The following MIER3 variants were observed in gnomAD, a reference collection of about 807,000 sequenced individuals.
MIER3 encodes mesoderm induction early response protein 3.
MIER3 carries 9 observed loss-of-function variants against 63.2 expected under a neutral mutation model. That is an observed-to-expected ratio of 0.14 (90% CI 0.09 to 0.25). The LOEUF (loss-of-function observed/expected upper bound fraction) is 0.25, where lower values mean the gene tolerates loss of function less well. Ranked by LOEUF, MIER3 falls within the 10% of genes least tolerant of loss-of-function variation. The pLI is 1.00. For missense variants in MIER3, 512 were observed against 666.2 expected (o/e 0.77, Z 2.55); for synonymous variants, 205 against 224.9 (o/e 0.91, Z 0.79).
Position 56,935,462 on chromosome 5 carries a change from G to C in MIER3, c.561C>G (p.Pro187=). The change falls in exon 7 of 13, where the codon CCC becomes CCG. Residue 187 remains proline, a synonymous_variant. Transcript: ENST00000381199. ...TACCATCGTACTCTCCAAGATAAGG[G>C]GGAATCTCTGCCTGATATTGTAAAC... is the stretch of plus-strand genomic sequence containing the variant. ...MIGLQYQAEI[P]PYLGEYDGNE... 1.9e-6 allele frequency: 3 copies of C among 1,595,086 alleles called. No homozygotes were observed. The highest frequency in any genetic ancestry group is 2.3e-5 in the South Asian group (2 of 85,720).
At position 56,920,207 on chromosome 5, in the gene MIER3, A is replaced by G. The variant is rs1163871822; in HGVS notation, c.*2921T>C. On this transcript the variant is annotated 3_prime_UTR_variant, in exon 13 of 13. Coordinates refer to ENST00000381199, the MANE Select transcript of MIER3 (RefSeq NM_001297599.2). ...TTTAGTATTTTTTAAACAGTATTCT[A>G]CATCCTTCAAGTAAATTCAGCAGCT... 6.6e-6 allele frequency: 1 copy of G among 152,610 alleles called. No individual in the cohort carries two copies. Among genetic ancestry groups the G allele is most frequent in the African/African-American group, 2.4e-5 (1 of 41,470 alleles). The allele number at this position is 152,610 out of a possible 1,614,324, so 9.5% of individuals were successfully genotyped here. A position where few individuals can be genotyped will look rare whatever the true frequency, so the allele number is the denominator to read the frequency against.
rs748965721 is a variant in MIER3 at position 56,923,517 on chromosome 5, G to T, written c.1264C>A (p.Pro422Thr). 1 of 1,614,188 alleles carries T rather than the reference G, an allele frequency of 6.2e-7. No individual in the cohort carries two copies. Among genetic ancestry groups the T allele is most frequent in the East Asian group, 2.2e-5 (1 of 44,890 alleles). The change falls in exon 13 of 13, where the codon CCA (proline) becomes ACA (threonine). Residue 422 changes from proline (P) to threonine (T), a missense_variant. Physicochemically the swap from Pro to Thr is conservative, Grantham distance 38. Transcript: ENST00000381199. ...DVNCLDDSFP[P>T]LGNTPRGQVN... ...TGTCCACGGGGTGTGTTGCCCAGTGGAGGAAAGCTATCATCCAAACAATTC... is the reference window on the plus strand; with the variant it reads ...TGTCCACGGGGTGTGTTGCCCAGTGTAGGAAAGCTATCATCCAAACAATTC...
intron 4 of MIER3, 126 bp from the exon 5 acceptor site, chr5:56,937,824 CTA>C (rs1228121071): frequency 7.9e-6 from 4 of 503,328 alleles, no homozygotes; most frequent in Non-Finnish European, 1.2e-5. Flanking sequence ...TGAAATTCTC[CTA>C]TGATTTACTT....
intron 10 of MIER3, among the ~76,000 whole-genome samples, chr5:56,927,006 A>C (rs916556318): frequency 6.6e-6 from 1 of 152,350 alleles, no homozygotes. Flanking sequence ...TGCATACTGT[A>C]TAATTCCAAC....
upstream of MIER3, chr5:56,952,138 C>A: frequency 8.1e-7 from 1 of 1,231,930 alleles, no homozygotes; most frequent in South Asian, 2.6e-5. Flanking sequence ...AGCGCCGAGC[C>A]CAGTCCCCGG....
chr5:56,948,584 G>A (rs188909064), intron 2 of MIER3, among the ~76,000 whole-genome samples: 47 of 152,080 alleles, frequency 3.1e-4, no homozygotes, highest in Non-Finnish European at 4.1e-4. Context: ...CAGGAGAATC[G>A]CTTGAACCTG....
intron 9 of MIER3, chr5:56,929,172 TA>T (rs144092933): frequency 5.0e-5 from 10 of 200,126 alleles, no homozygotes; most frequent in African/African-American, 1.2e-4. Flanking sequence ...TTTTTCTGAT[TA>T]AAAAAAATTT....
At chr5:56,938,835 G>A in intron 4 of MIER3, 48 bp downstream of exon 4, 1 of 1,584,286 alleles carries the variant, frequency 6.3e-7, no homozygotes, top group Non-Finnish European at 8.6e-7. Flanking sequence ...AGTAAAAGCA[G>A]TCAATGGTAA....
chr5:56,947,319 A>T (rs2591957), intron 2 of MIER3, among the ~76,000 whole-genome samples: 46,334 of 152,000 alleles, frequency 0.3, 7,512 homozygotes, highest in East Asian at 0.54. Context: ...CAAGAAAACA[A>T]CTTATGATAA....
rs1749619826 is a variant in MIER3 at position 56,920,482 on chromosome 5, T to C, written c.*2646A>G. Reference sequence around the variant, plus strand: ...AACAAAAAGAATTTATCACAGTTTGTTATAAGAATTGTGCTTAACACTTGA... The same window carrying C: ...AACAAAAAGAATTTATCACAGTTTGCTATAAGAATTGTGCTTAACACTTGA... On this transcript the variant is annotated 3_prime_UTR_variant, in exon 13 of 13. Transcript: ENST00000381199. 1 of 152,560 alleles carries C rather than the reference T, an allele frequency of 6.6e-6. No individual in the cohort carries two copies. The highest frequency in any genetic ancestry group is 6.5e-5 in the Admixed American group (1 of 15,278). The allele number at this position is 152,560 out of a possible 1,614,324, so 9.5% of individuals were successfully genotyped here. A position where few individuals can be genotyped will look rare whatever the true frequency, so the allele number is the denominator to read the frequency against.
At chr5:56,943,820 G>A (rs1750733625) in intron 3 of MIER3, among the ~76,000 whole-genome samples, 1 of 152,180 alleles carries the variant, frequency 6.6e-6, no homozygotes, top group South Asian at 2.1e-4. Context: ...CAGCTTAGAA[G>A]TGTGATCCAT....
rs1396133115 is a variant in MIER3 at position 56,920,924 on chromosome 5, C to G, written c.*2204G>C. The G allele has an allele frequency of 6.6e-6, 1 of 152,504 alleles. No individual in the cohort carries two copies. Among genetic ancestry groups the G allele is most frequent in the Non-Finnish European group, 1.5e-5 (1 of 67,944 alleles). 9.4% of individuals were successfully genotyped at this position (152,504 alleles called of 1,614,324 possible). A position where few individuals can be genotyped will look rare whatever the true frequency, so the allele number is the denominator to read the frequency against. Reference sequence around the variant, plus strand: ...TAAAATCAGATTGACATTTAAAAATCTATTAAACTAGCTGGAATTTATTTT... The same window carrying G: ...TAAAATCAGATTGACATTTAAAAATGTATTAAACTAGCTGGAATTTATTTT... On this transcript the variant is annotated 3_prime_UTR_variant, in exon 13 of 13. Coordinates refer to ENST00000381199, the MANE Select transcript of MIER3 (RefSeq NM_001297599.2).
chr5:56,938,475 G>A (rs979560850), intron 4 of MIER3: 5 of 428,606 alleles, frequency 1.2e-5, no homozygotes, highest in Non-Finnish European at 2.4e-5. Flanking sequence ...TGCTGCGGCC[G>A]CTGTCACTCC....
chr5:56,930,907 A>C (rs1207603470), intron 8 of MIER3, among the ~76,000 whole-genome samples, 162 bp from the exon 9 acceptor site: 2 of 152,228 alleles, frequency 1.3e-5, no homozygotes, highest in Non-Finnish European at 2.9e-5. Context: ...TTTAGTCTAT[A>C]TAACTATCAT....
chr5:56,925,819 ACT>A (rs1305066026), intron 10 of MIER3, among the ~76,000 whole-genome samples: 1 of 152,074 alleles, frequency 6.6e-6, no homozygotes, highest in Non-Finnish European at 1.5e-5. Flanking sequence ...AAATCAAAGT[ACT>A]GACAGTCCCC....
At chr5:56,944,673 T>C (rs907100888) in intron 3 of MIER3, among the ~76,000 whole-genome samples, 1 of 152,134 alleles carries the variant, frequency 6.6e-6, no homozygotes, top group Admixed American at 6.5e-5. Flanking sequence ...ACTATATACA[T>C]ATAATTTGTT....
At chr5:56,935,278 T>C (rs1750402842) in intron 7 of MIER3, 150 bp downstream of exon 7, 2 of 635,656 alleles carry the variant, frequency 3.1e-6, no homozygotes, top group Admixed American at 6.1e-5. Flanking sequence ...GATACATTTT[T>C]CCTAAGTCAG....
At chr5:56,951,784 C>T (rs377057711) in intron 1 of MIER3, among the ~76,000 whole-genome samples, 2 of 151,422 alleles carry the variant, frequency 1.3e-5, no homozygotes, top group East Asian at 3.9e-4. Context: ...ACCGGGGACA[C>T]GGCACTGCCT....
chr5:56,924,587 G>C (rs1749867580), intron 10 of MIER3, among the ~76,000 whole-genome samples: 1 of 152,208 alleles, frequency 6.6e-6, no homozygotes, highest in Non-Finnish European at 1.5e-5. Context: ...ACAGCATCTG[G>C]AATTTAAGAT....
Sources: gnomAD v4.1 joint callset for allele counts (sites outside exome capture counted in the v4.1 genomes callset) on GRCh38, gnomAD v4.1.1 for gene constraint, MANE v1.5 for transcripts, NCBI Gene and HGNC (gene_info 2026-07-23, HGNC 2026-07-21) for gene names.